The following B4GALNT2 variants were observed in gnomAD, a reference collection of about 807,000 sequenced individuals.
B4GALNT2 encodes the protein N-acetylneuraminylgalactosylglucosyl-glucoside beta-1,4-N- acetylgalactosaminyltransferase 2.
B4GALNT2 carries 42 observed loss-of-function variants against 51.1 expected under a neutral mutation model. The ratio of observed to expected loss-of-function variants is 0.82; its 90% CI spans 0.64 to 1.06. B4GALNT2 has a LOEUF of 1.06. Ranked by LOEUF, B4GALNT2 falls within the 50% of genes least tolerant of loss-of-function variation. The pLI, the probability that B4GALNT2 is intolerant of heterozygous loss-of-function variation, is 0.00. For synonymous variants in B4GALNT2, 253 were observed against 251.7 expected (o/e 1.01, Z -0.05); for missense variants, 602 against 633.6 (o/e 0.95, Z 0.54).
At chr17:49,127,790 G>T (rs2042518250), upstream of B4GALNT2, among the ~76,000 whole-genome samples, 1 of 152,214 alleles carries the variant, frequency 6.6e-6, no homozygotes, top group African/African-American at 2.4e-5. Context: ...AATTCTAGGG[G>T]TTCCATAAGG....
the B4GALNT2 span, among the ~76,000 whole-genome samples, chr17:49,126,846 G>A: frequency 0.99 from 151,334 of 152,118 alleles, 75,282 homozygotes; most frequent in Middle Eastern, 1. Context: ...CTATAGGTAC[G>A]TGCCACTACG....
intron 3 of B4GALNT2, among the ~76,000 whole-genome samples, chr17:49,144,770 G>T (rs548835218): frequency 3.5e-4 from 54 of 152,176 alleles, no homozygotes; most frequent in African/African-American, 1.1e-3. Context: ...GAACTAACAG[G>T]GGGGAGAGAG....
chr17:49,142,258 A>G, intron 3 of B4GALNT2, 86 bp downstream of exon 3: 1 of 1,530,826 alleles, frequency 6.5e-7, no homozygotes. Context: ...TAAGAGAAAA[A>G]GCAGGAAGGA....
chr17:49,169,713 C>G lies in B4GALNT2; in HGVS notation c.1506C>G (p.Leu502=), dbSNP rs1598219613. The G allele has an allele frequency of 1.3e-6, 2 of 1,586,148 alleles. No homozygotes were observed. The highest frequency in any genetic ancestry group is 8.6e-7 in the Non-Finnish European group (1 of 1,163,800). ...CCCTCCACTACTTCAAGAACCATCT[C>G]CAATGTGCCGCATAAAGGTGTGAGG... ...KLALHYFKNH[L]QCAA The change falls in exon 11 of 11, where the codon CTC becomes CTG. Residue 502 remains leucine (L), a synonymous_variant. Coordinates refer to ENST00000393354, the MANE Select transcript of B4GALNT2 (RefSeq NM_001159387.2).
chr17:49,132,913 AC>A, intron 1 of B4GALNT2, 107 bp downstream of exon 1: 1 of 1,376,816 alleles, frequency 7.3e-7, no homozygotes, highest in Admixed American at 4.0e-5. Context: ...GGGGACGCAG[AC>A]GCCGGAGCCA....
chr17:49,145,526 G>A (rs2042686752), intron 3 of B4GALNT2, among the ~76,000 whole-genome samples: 1 of 152,188 alleles, frequency 6.6e-6, no homozygotes, highest in South Asian at 2.1e-4. Context: ...GGTCGTAGCT[G>A]GTATTGATTA....
intron 5 of B4GALNT2, among the ~76,000 whole-genome samples, chr17:49,158,191 G>C (rs2042828027): frequency 6.6e-6 from 1 of 152,188 alleles, no homozygotes; most frequent in Non-Finnish European, 1.5e-5. Flanking sequence ...ACAAGGCAGA[G>C]GGAATGGAGG....
rs899555816 is a variant in B4GALNT2 at position 49,175,499 on chromosome 17, T to A, written c.*5771T>A. Reference sequence around the variant, plus strand: ...TTAAACTAGATCTACCTAGAAGTAATCCTATCATCCCCCCGGCAAGCATCC... The same window carrying A: ...TTAAACTAGATCTACCTAGAAGTAAACCTATCATCCCCCCGGCAAGCATCC... On this transcript the variant is annotated 3_prime_UTR_variant, in exon 11 of 11. Transcript: ENST00000393354. 6 of 152,154 alleles carry A rather than the reference T, an allele frequency of 3.9e-5. No homozygotes were observed. The highest frequency in any genetic ancestry group is 1.4e-4 in the African/African-American group (6 of 41,424). 9.4% of individuals were successfully genotyped at this position (152,154 alleles called of 1,614,324 possible). A position where few individuals can be genotyped will look rare whatever the true frequency, so the allele number is the denominator to read the frequency against.
intron 6 of B4GALNT2, 48 bp downstream of exon 6, chr17:49,159,265 AC>A: frequency 6.4e-7 from 1 of 1,560,132 alleles, no homozygotes; most frequent in Non-Finnish European, 8.8e-7. Context: ...TCCAGAAGAT[AC>A]CTCTGGGCCC....
the B4GALNT2 span, among the ~76,000 whole-genome samples, chr17:49,120,745 A>T: frequency 9.2e-5 from 14 of 152,138 alleles, no homozygotes; most frequent in South Asian, 8.3e-4. Context: ...CCTGGGTTCA[A>T]GTGATCCATC....
In B4GALNT2 at chr17:49,176,662, T is replaced by C. The variant is rs1291504162; in HGVS notation, c.*6934T>C. On this transcript the variant is annotated 3_prime_UTR_variant, in exon 11 of 11. Coordinates refer to ENST00000393354, the MANE Select transcript of B4GALNT2 (RefSeq NM_001159387.2). ...AGAGATTTTATTTATGGCCAGTTTA[T>C]GGCCAGATTTGGGGGCCTGTTCCCA... 6.6e-6 allele frequency: 1 copy of C among 152,260 alleles called. No homozygotes were observed. The highest frequency in any genetic ancestry group is 1.5e-5 in the Non-Finnish European group (1 of 68,066). 9.4% of individuals were successfully genotyped at this position (152,260 alleles called of 1,614,324 possible).
intron 7 of B4GALNT2, 92 bp from the exon 8 acceptor site, chr17:49,163,996 T>C (rs2042887244): frequency 1.6e-6 from 2 of 1,286,320 alleles, no homozygotes; most frequent in Non-Finnish European, 2.2e-6. Flanking sequence ...CACTGACAGG[T>C]TATGGCAGAA....
chr17:49,164,902 TA>T (rs2042897524), intron 8 of B4GALNT2, among the ~76,000 whole-genome samples: 1 of 152,050 alleles, frequency 6.6e-6, no homozygotes, highest in South Asian at 2.1e-4. Context: ...GCCTCAACCT[TA>T]AAGGCTCAAG....
chr17:49,126,303 A>G, the B4GALNT2 span, among the ~76,000 whole-genome samples: 1 of 152,102 alleles, frequency 6.6e-6, no homozygotes, highest in Non-Finnish European at 1.5e-5. Flanking sequence ...TGACGGCAGC[A>G]TGCTCGTTAA....
intron 3 of B4GALNT2, chr17:49,148,271 G>T: frequency 3.3e-6 from 1 of 301,632 alleles, no homozygotes. Flanking sequence ...CTGCACTCCA[G>T]CCTGGGCGAC....
chr17:49,166,930 C>T (rs1204926422), intron 9 of B4GALNT2, among the ~76,000 whole-genome samples: 1 of 152,168 alleles, frequency 6.6e-6, no homozygotes, highest in Non-Finnish European at 1.5e-5. Context: ...GATTATGTCA[C>T]TGCACTCCAG....
At chr17:49,120,763 G>C in the B4GALNT2 span, among the ~76,000 whole-genome samples, 1 of 152,020 alleles carries the variant, frequency 6.6e-6, no homozygotes, top group Non-Finnish European at 1.5e-5. Flanking sequence ...ATCCACCTCG[G>C]CTTCCCAAAG....
chr17:49,150,654 G>T (rs943445761), intron 3 of B4GALNT2, among the ~76,000 whole-genome samples: 2 of 151,348 alleles, frequency 1.3e-5, no homozygotes, highest in Admixed American at 6.6e-5. Flanking sequence ...AACATGTGCT[G>T]TGTCCACTCA....
In B4GALNT2 at chr17:49,169,932, C is replaced by G. The variant is rs2042946895; in HGVS notation, c.*204C>G. ...CAGTCACTGACCAGGGCAATGGAGA[C>G]TGTATTAATAGCAATGATGATTTGT... is the stretch of plus-strand genomic sequence containing the variant. On this transcript the variant is annotated 3_prime_UTR_variant, in exon 11 of 11. Coordinates refer to ENST00000393354, the MANE Select transcript of B4GALNT2 (RefSeq NM_001159387.2). The G allele has an allele frequency of 3.9e-6, 2 of 513,032 alleles. No individual in the cohort carries two copies. The highest frequency in any genetic ancestry group is 6.2e-5 in the East Asian group (2 of 32,328). 31.8% of individuals were successfully genotyped at this position (513,032 alleles called of 1,614,324 possible).
Sources: allele counts gnomAD v4.1 joint callset (sites outside exome capture counted in the v4.1 genomes callset), GRCh38; gene constraint gnomAD v4.1.1; transcripts MANE v1.5; gene names NCBI Gene and HGNC (gene_info 2026-07-23, HGNC 2026-07-21).